Variants in GLMN observed in about 807,000 individuals in gnomAD.
GLMN encodes the protein glomulin, FKBP associated protein.
In GLMN, 75 loss-of-function variants were observed where a neutral mutation model predicts 87.8. The ratio of observed to expected loss-of-function variants is 0.85; its 90% CI spans 0.71 to 1.04. GLMN has a LOEUF of 1.04. GLMN is among the 50% of genes least tolerant of loss of function. GLMN has a pLI of 0.00. For missense variants in GLMN, 588 were observed against 658.8 expected, an observed-to-expected ratio of 0.89 and a Z score of 1.18; for synonymous variants, 206 against 221.6, an observed-to-expected ratio of 0.93 and a Z score of 0.63.
the GLMN span, among the ~76,000 whole-genome samples, chr1:92,305,820 A>T: frequency 6.6e-6 from 1 of 152,360 alleles, no homozygotes; most frequent in Non-Finnish European, 1.5e-5. Flanking sequence ...AATGTTAGGA[A>T]ATCTTTTTGC....
In GLMN at chr1:92,271,650, A is replaced by AGGGTG. The variant is rs767404122; in HGVS notation, c.737_738insCACCC (p.Phe247ThrfsTer14). ...AAGGGTGTCCAATTGCTGATAAAAA[A>AGGGTG]CCCTATGAAATGGATAAAAAAGGAA... On this transcript the variant is annotated frameshift_variant and splice_region_variant, in exon 8 of 19. Coordinates refer to ENST00000370360, the MANE Select transcript of GLMN (RefSeq NM_053274.3). LOFTEE classifies it high-confidence loss of function. The AGGGTG allele has an allele frequency of 1.9e-6, 3 of 1,608,504 alleles. No individual in the cohort carries two copies. The Admixed American group carries it at 5.0e-5, about 27-fold the overall frequency.
intron 3 of GLMN, among the ~76,000 whole-genome samples, chr1:92,294,219 A>G (rs934180650): frequency 6.6e-6 from 1 of 152,168 alleles, no homozygotes; most frequent in South Asian, 2.1e-4. Flanking sequence ...GTACCCATCA[A>G]TATATATGCC....
At chr1:92,254,392 C>G (rs1297751438) in intron 16 of GLMN, among the ~76,000 whole-genome samples, 1 of 152,172 alleles carries the variant, frequency 6.6e-6, no homozygotes, top group Non-Finnish European at 1.5e-5. Context: ...GACAGGCCAA[C>G]AGTCAAATTC....
chr1:92,286,034 A>T (rs1331881030), intron 7 of GLMN, among the ~76,000 whole-genome samples: 1 of 152,062 alleles, frequency 6.6e-6, no homozygotes, highest in African/African-American at 2.4e-5. Flanking sequence ...TAGGTTACTT[A>T]TCATAGACTT....
the GLMN span, among the ~76,000 whole-genome samples, chr1:92,356,854 G>T: frequency 6.6e-6 from 1 of 151,806 alleles, no homozygotes; most frequent in Non-Finnish European, 1.5e-5. Flanking sequence ...CTTGAGGTCA[G>T]GAGTTCAAGA....
intron 3 of GLMN, among the ~76,000 whole-genome samples, chr1:92,296,892 C>T (rs1217806946): frequency 6.6e-6 from 1 of 152,118 alleles, no homozygotes; most frequent in East Asian, 1.9e-4. Context: ...GGGCTGATCA[C>T]CCAAAATGAA....
chr1:92,331,152 A>T, the GLMN span, among the ~76,000 whole-genome samples: 1 of 152,202 alleles, frequency 6.6e-6, no homozygotes, highest in Non-Finnish European at 1.5e-5. Flanking sequence ...TAAATGTAAA[A>T]TTGTTATGTC....
At chr1:92,257,029 C>T (rs2100827925) in intron 16 of GLMN, among the ~76,000 whole-genome samples, 1 of 152,310 alleles carries the variant, frequency 6.6e-6, no homozygotes, top group South Asian at 2.1e-4. Flanking sequence ...GCAAAATCTC[C>T]TTAAGCTGAT....
chr1:92,297,258 T>A (rs534993230), intron 3 of GLMN, 146 bp downstream of exon 3: 2 of 1,156,768 alleles, frequency 1.7e-6, no homozygotes, highest in South Asian at 2.6e-5. Context: ...GGCCTAAATA[T>A]TTCTAATTCT....
At chr1:92,300,646 A>G (rs899839240), upstream of GLMN, among the ~76,000 whole-genome samples, 9 of 152,218 alleles carry the variant, frequency 5.9e-5, no homozygotes, top group African/African-American at 2.2e-4. Flanking sequence ...GGTTCTAAAA[A>G]GGCAAGATAT....
rs554050261 is a variant in GLMN, at chr1:92,249,446, T to C, written c.1474-1457A>G. The stretch of plus-strand genomic sequence containing the variant: ...CAGTATAACAAGCATATTACTCTTA[T>C]GTGCACTGACTGCTCTCATTTCTCC... On this transcript the variant is annotated intron_variant, in intron 16 of 18. Coordinates refer to ENST00000370360, the MANE Select transcript of GLMN (RefSeq NM_053274.3). Among the ~76,000 whole-genome samples, 13 of 152,244 alleles carry C rather than the reference T, an allele frequency of 8.5e-5. No individual in the cohort carries two copies. In the South Asian group the frequency reaches 1.4e-3, roughly 17 times the overall value.
upstream of GLMN, chr1:92,300,067 G>T: frequency 3.1e-6 from 2 of 652,692 alleles, no homozygotes. Flanking sequence ...GTAGGCAACT[G>T]TATATCTAAA....
the GLMN span, among the ~76,000 whole-genome samples, chr1:92,305,432 C>CAAAAAAAAAAAAAAAAA: frequency 1.9e-3 from 99 of 52,676 alleles, 6 homozygotes; most frequent in African/African-American, 6.0e-3. Context: ...GGCTCCGTCT[C>CAAAAAAAAAAAAAAAAA]AAAAAAAAAA....
intron 8 of GLMN, among the ~76,000 whole-genome samples, chr1:92,270,158 T>C (rs1656090023): frequency 1.3e-5 from 2 of 152,206 alleles, no homozygotes; most frequent in Non-Finnish European, 2.9e-5. Context: ...GAGAAGATTC[T>C]CCTTCACAAC....
chr1:92,302,979 G>A (rs1650971864), upstream of GLMN, among the ~76,000 whole-genome samples: 2 of 151,990 alleles, frequency 1.3e-5, no homozygotes, highest in South Asian at 2.1e-4. Context: ...CGGTAGGATC[G>A]CTTGAGCCCA....
chr1:92,323,492 C>A, the GLMN span: 2 of 1,612,964 alleles, frequency 1.2e-6, no homozygotes, highest in Non-Finnish European at 1.7e-6. Flanking sequence ...GCCATTAAAA[C>A]ATCAGATATC....
At chr1:92,297,735 G>C in intron 2 of GLMN, 3 of 630,334 alleles carry the variant, frequency 4.8e-6, no homozygotes, top group Non-Finnish European at 5.6e-6. Flanking sequence ...CTGTACCAGT[G>C]AAATCTATGA....
the GLMN span, among the ~76,000 whole-genome samples, chr1:92,343,338 A>AT: frequency 2.3e-4 from 35 of 152,266 alleles, no homozygotes; most frequent in African/African-American, 8.4e-4. Context: ...GAGGTGGGTG[A>AT]TATTATTGTC....
At chr1:92,260,265 A>G (rs893934134) in intron 16 of GLMN, among the ~76,000 whole-genome samples, 1 of 152,188 alleles carries the variant, frequency 6.6e-6, no homozygotes, top group African/African-American at 2.4e-5. Context: ...GTAACTTATA[A>G]AGCAATAATT....
Sources: allele counts gnomAD v4.1 joint callset (sites outside exome capture counted in the v4.1 genomes callset), GRCh38; gene constraint gnomAD v4.1.1; transcripts MANE v1.5; gene names NCBI Gene and HGNC (gene_info 2026-07-23, HGNC 2026-07-21).